Variants in SPOCK3 observed in about 807,000 individuals in gnomAD.
SPOCK3 encodes the protein testican-3.
In SPOCK3, 30 loss-of-function variants were observed where a neutral mutation model predicts 56.6. That is an observed-to-expected ratio of 0.53 (90% CI 0.40 to 0.72). SPOCK3 has a LOEUF of 0.72. SPOCK3 is among the 30% of genes least tolerant of loss of function. The probability of loss-of-function intolerance (pLI) is 0.00; values close to 1 mark genes in which losing one functional copy is unlikely to be tolerated. For missense variants in SPOCK3, 527 were observed against 530.0 expected, an observed-to-expected ratio of 0.99 and a Z score of 0.06; for synonymous variants, 196 against 183.3, an observed-to-expected ratio of 1.07 and a Z score of -0.56.
At chr4:167,134,022 CTTTTTTTT>C (rs34410893) in intron 2 of SPOCK3, among the ~76,000 whole-genome samples, 4 of 80,560 alleles carry the variant, frequency 5.0e-5, no homozygotes, top group African/African-American at 1.5e-4. Flanking sequence ...ACACCTTTTT[CTTTTTTTT>C]TTTTTTTTTT....
chr4:167,201,303 AAAT>A lies in SPOCK3; in HGVS notation c.189+32679_189+32681del, dbSNP rs1733495025. Among the ~76,000 whole-genome samples, 5 of 152,130 alleles carry A rather than the reference AAAT, an allele frequency of 3.3e-5. No homozygotes were observed. In the South Asian group the frequency reaches 1.0e-3, roughly 31 times the overall value. On this transcript the variant is annotated intron_variant, in intron 2 of 10. Coordinates refer to ENST00000357545, the MANE Select transcript of SPOCK3 (RefSeq NM_001040159.2). ...ATTATGATGGATTAAAACTTATTTG[AAAT>A]AATGATGATGATTGATGATAATATT...
chr4:167,165,405 A>T (rs1444322778), intron 2 of SPOCK3, among the ~76,000 whole-genome samples: 2 of 152,148 alleles, frequency 1.3e-5, no homozygotes, highest in African/African-American at 4.8e-5. Context: ...AAGGATATAA[A>T]CAGACACTTC....
intron 2 of SPOCK3, among the ~76,000 whole-genome samples, chr4:167,074,867 A>T (rs1392915635): frequency 2.0e-5 from 3 of 151,842 alleles, no homozygotes; most frequent in Non-Finnish European, 2.9e-5. Context: ...CCTTTAAAAA[A>T]TTTTCATGGA....
At chr4:167,200,744 G>A (rs867926511) in intron 2 of SPOCK3, among the ~76,000 whole-genome samples, 6 of 151,988 alleles carry the variant, frequency 3.9e-5, no homozygotes, top group Non-Finnish European at 7.4e-5. Flanking sequence ...AAACAAGTTG[G>A]AAATTCTGTT....
At chr4:166,975,278 GA>G (rs879838822) in intron 4 of SPOCK3, among the ~76,000 whole-genome samples, 6 of 152,218 alleles carry the variant, frequency 3.9e-5, no homozygotes, top group Admixed American at 1.3e-4. Flanking sequence ...GTATAATTTG[GA>G]ATATAAGTCA....
chr4:167,114,885 G>C (rs1298688905), intron 2 of SPOCK3, among the ~76,000 whole-genome samples: 1 of 151,536 alleles, frequency 6.6e-6, no homozygotes, highest in Non-Finnish European at 1.5e-5. Context: ...AGCATTCATG[G>C]AAAGTTAACA....
chr4:167,136,609 A>C (rs1224777353), intron 2 of SPOCK3, among the ~76,000 whole-genome samples: 1 of 152,144 alleles, frequency 6.6e-6, no homozygotes, highest in Non-Finnish European at 1.5e-5. Flanking sequence ...TTATTGTTGC[A>C]GTTTATTTTT....
intron 6 of SPOCK3, among the ~76,000 whole-genome samples, chr4:166,849,803 G>T (rs533924901): frequency 6.6e-6 from 1 of 152,194 alleles, no homozygotes; most frequent in East Asian, 1.9e-4. Context: ...CTGTCTCAAT[G>T]AATTTGTGTT....
At position 167,028,406 on chromosome 4, in the gene SPOCK3, A is replaced by ACAACAAC. The variant is rs35401736; in HGVS notation, c.236-27944_236-27943insGTTGTTG. Among the ~76,000 whole-genome samples, 764 of 150,998 alleles carry ACAACAAC rather than the reference A, an allele frequency of 5.1e-3. 3 individuals carry two copies. The highest frequency in any genetic ancestry group is 0.014 in the African/African-American group (588 of 41,100). On this transcript the variant is annotated intron_variant, in intron 3 of 10. Coordinates refer to ENST00000357545, the MANE Select transcript of SPOCK3 (RefSeq NM_001040159.2). ...AACAACAACAACAACAACAACAACA[A>ACAACAAC]AAGAATAATCCTGCATGTGTACTAT...
intron 8 of SPOCK3, among the ~76,000 whole-genome samples, chr4:166,752,554 A>G (rs7676574): frequency 0.8 from 115,554 of 143,632 alleles, 45,919 homozygotes; most frequent in South Asian, 0.83. Context: ...ATATGTGTGT[A>G]TATATATATA....
chr4:166,778,345 T>C (rs957102439), intron 7 of SPOCK3, among the ~76,000 whole-genome samples: 12 of 152,152 alleles, frequency 7.9e-5, no homozygotes, highest in Admixed American at 6.5e-5. Context: ...AGTAAATCAA[T>C]AGCATAGCTG....
intron 5 of SPOCK3, among the ~76,000 whole-genome samples, chr4:166,898,468 G>A (rs1267093607): frequency 6.6e-6 from 1 of 152,104 alleles, no homozygotes; most frequent in African/African-American, 2.4e-5. Flanking sequence ...TCACTGTTAT[G>A]TCTGGTTCTG....
chr4:167,061,534 C>T (rs1580169291), intron 3 of SPOCK3, among the ~76,000 whole-genome samples: 1 of 151,896 alleles, frequency 6.6e-6, no homozygotes, highest in Non-Finnish European at 1.5e-5. Flanking sequence ...ATGTCTAGGT[C>T]CACACAGGTG....
chr4:166,833,606 AG>A (rs1219300374), intron 6 of SPOCK3, among the ~76,000 whole-genome samples: 21 of 152,338 alleles, frequency 1.4e-4, no homozygotes, highest in Admixed American at 3.9e-4. Context: ...ACCATGTGCT[AG>A]TTACATACTG....
chr4:166,735,430 A>C (rs1734125110), intron 10 of SPOCK3, among the ~76,000 whole-genome samples: 1 of 152,064 alleles, frequency 6.6e-6, no homozygotes, highest in Admixed American at 6.6e-5. Context: ...GTGTGGCAGA[A>C]AAATTGCCCT....
chr4:167,091,253 G>A (rs1158095838), intron 2 of SPOCK3, among the ~76,000 whole-genome samples: 2 of 151,708 alleles, frequency 1.3e-5, no homozygotes, highest in Non-Finnish European at 2.9e-5. Flanking sequence ...ATACCTACAT[G>A]GTATAACAAA....
At chr4:167,113,526 G>C (rs1761084028) in intron 2 of SPOCK3, among the ~76,000 whole-genome samples, 1 of 151,928 alleles carries the variant, frequency 6.6e-6, no homozygotes, top group Non-Finnish European at 1.5e-5. Context: ...AATAAGAATG[G>C]GTTTCAGTCA....
intron 4 of SPOCK3, among the ~76,000 whole-genome samples, chr4:166,948,965 C>A (rs1004335361): frequency 1.1e-4 from 17 of 152,224 alleles, no homozygotes; most frequent in African/African-American, 4.1e-4. Flanking sequence ...TTCTCCCCAT[C>A]ACTTTCACGT....
At chr4:166,821,988 C>T (rs767838861) in intron 6 of SPOCK3, among the ~76,000 whole-genome samples, 5 of 151,632 alleles carry the variant, frequency 3.3e-5, no homozygotes, top group Non-Finnish European at 5.9e-5. Flanking sequence ...TACAAATGAT[C>T]GAGTAGGTAT....
Sources: gnomAD v4.1 joint callset for allele counts (sites outside exome capture counted in the v4.1 genomes callset) on GRCh38, gnomAD v4.1.1 for gene constraint, MANE v1.5 for transcripts, NCBI Gene and HGNC (gene_info 2026-07-23, HGNC 2026-07-21) for gene names.